Variants in PDE4DIP observed in about 807,000 individuals in gnomAD.
The protein encoded by PDE4DIP is myomegalin.
In PDE4DIP, 59 loss-of-function variants were observed where a neutral mutation model predicts 221.4. The ratio of observed to expected loss-of-function variants is 0.27; its 90% CI spans 0.22 to 0.33. The LOEUF (loss-of-function observed/expected upper bound fraction) is 0.33, where lower values mean the gene tolerates loss of function less well. Among genes scored for constraint, PDE4DIP ranks in the 10% least tolerant of loss-of-function variants. The pLI, the probability that PDE4DIP is intolerant of heterozygous loss-of-function variation, is 1.00. For missense variants in PDE4DIP, 1,036 were observed against 2,154.2 expected, an observed-to-expected ratio of 0.48 and a Z score of 10.28; for synonymous variants, 404 against 815.9, an observed-to-expected ratio of 0.50 and a Z score of 8.60.
chr1:148,950,755 G>A (rs1274547145), intron 5 of PDE4DIP, among the ~76,000 whole-genome samples: 1 of 142,440 alleles, frequency 7.0e-6, no homozygotes, highest in Non-Finnish European at 1.5e-5. Flanking sequence ...CCCCCCCACC[G>A]CCCCAAACAC....
intron 5 of PDE4DIP, among the ~76,000 whole-genome samples, chr1:148,948,596 C>A (rs370505044): frequency 2.0e-5 from 3 of 151,738 alleles, no homozygotes; most frequent in Non-Finnish European, 2.9e-5. Flanking sequence ...TCTTAAAGTG[C>A]GGGTGACTTT....
intron 27 of PDE4DIP, chr1:149,006,452 T>A (rs1409617966): frequency 6.6e-6 from 1 of 152,082 alleles, no homozygotes; most frequent in African/African-American, 2.4e-5. Flanking sequence ...CATTGCAAAA[T>A]GTAGTCAGCC....
intron 21 of PDE4DIP, among the ~76,000 whole-genome samples, chr1:148,989,780 A>G (rs2152347945): frequency 6.6e-6 from 1 of 152,332 alleles, no homozygotes; most frequent in South Asian, 2.1e-4. Context: ...TGTGATCGCT[A>G]CTGTTGTACA....
chr1:148,820,563 A>AG (rs1169551211), intron 1 of PDE4DIP, among the ~76,000 whole-genome samples: 1 of 133,532 alleles, frequency 7.5e-6, no homozygotes, highest in Non-Finnish European at 1.6e-5. Flanking sequence ...CTCAAAAAAA[A>AG]AAAAAAAAAA....
chr1:149,006,648 A>T (rs2067128106), intron 27 of PDE4DIP: 2 of 147,678 alleles, frequency 1.4e-5, no homozygotes, highest in Admixed American at 1.4e-4. Context: ...CACAGACCTT[A>T]TGATTTATCT....
At chr1:148,829,046 ACT>A (rs1337040167) in intron 1 of PDE4DIP, among the ~76,000 whole-genome samples, 8 of 144,264 alleles carry the variant, frequency 5.5e-5, no homozygotes, top group Non-Finnish European at 9.3e-5. Flanking sequence ...ACACACACAC[ACT>A]CACACACACA....
intron 5 of PDE4DIP, among the ~76,000 whole-genome samples, chr1:148,957,817 G>GTAGC (rs2055761423): frequency 8.1e-6 from 1 of 123,858 alleles, no homozygotes; most frequent in Non-Finnish European, 1.7e-5. Flanking sequence ...CTTCACCACT[G>GTAGC]TAAGATTGTT....
intron 5 of PDE4DIP, among the ~76,000 whole-genome samples, chr1:148,956,052 C>G (rs587710919): frequency 6.6e-6 from 1 of 152,064 alleles, no homozygotes; most frequent in Non-Finnish European, 1.5e-5. Context: ...TCCTTAAGAG[C>G]CTTATGACAA....
intron 5 of PDE4DIP, among the ~76,000 whole-genome samples, chr1:148,955,303 A>G (rs1287686316): frequency 2.6e-5 from 4 of 152,146 alleles, no homozygotes; most frequent in African/African-American, 9.6e-5. Flanking sequence ...TAGTTGGGCC[A>G]GGATGGATGG....
intron 5 of PDE4DIP, chr1:148,941,889 T>A (rs2050621742): frequency 6.6e-6 from 1 of 151,320 alleles, no homozygotes. Flanking sequence ...AGGTAAAAGT[T>A]CAATTTCTAA....
chr1:148,954,167 G>C (rs1747937), intron 5 of PDE4DIP, among the ~76,000 whole-genome samples: 3 of 151,886 alleles, frequency 2.0e-5, no homozygotes, highest in African/African-American at 7.2e-5. Context: ...AAAAGGTAAA[G>C]ATTCCTACTT....
At chr1:148,990,558 T>TG (rs2062828680) in intron 21 of PDE4DIP, among the ~76,000 whole-genome samples, 2 of 151,392 alleles carry the variant, frequency 1.3e-5, no homozygotes, top group Non-Finnish European at 2.9e-5. Flanking sequence ...TGTCTAAGAG[T>TG]CCAGAGTCTT....
chr1:148,864,254 T>G (rs1685583690), intron 2 of PDE4DIP, among the ~76,000 whole-genome samples: 1 of 132,176 alleles, frequency 7.6e-6, no homozygotes, highest in Non-Finnish European at 1.6e-5. Flanking sequence ...AAAAATTAAA[T>G]AATAATAAAA....
chr1:149,001,613 C>T (rs782776330), exon 24 of PDE4DIP: 32 of 1,611,784 alleles, frequency 2.0e-5, no homozygotes, highest in Non-Finnish European at 2.4e-5. Context: ...GAGCCTTTGC[C>T]TTGAGAATGC....
At chr1:149,000,090 T>C (rs2065260488) in intron 23 of PDE4DIP, among the ~76,000 whole-genome samples, 1 of 152,176 alleles carries the variant, frequency 6.6e-6, no homozygotes, top group Non-Finnish European at 1.5e-5. Context: ...GTATCCTATG[T>C]CCTATTTTCC....
chr1:148,998,661 A>T (rs1325072080), intron 23 of PDE4DIP, among the ~76,000 whole-genome samples: 1 of 148,010 alleles, frequency 6.8e-6, no homozygotes, highest in East Asian at 2.1e-4. Context: ...ACCAAAACGT[A>T]TAAGGAATCC....
intron 20 of PDE4DIP, among the ~76,000 whole-genome samples, chr1:148,980,753 A>C (rs1553541924): frequency 1.3e-5 from 2 of 152,136 alleles, no homozygotes; most frequent in Non-Finnish European, 2.9e-5. Context: ...TGATAGGACC[A>C]GTTGATTGTG....
chr1:148,961,528 A>T (rs1239844653), intron 6 of PDE4DIP, among the ~76,000 whole-genome samples: 1 of 152,168 alleles, frequency 6.6e-6, no homozygotes, highest in South Asian at 2.1e-4. Flanking sequence ...TCCTTGTATA[A>T]GGGATCCATA....
chr1:149,030,317 GT>G, intron 43 of PDE4DIP, 39 bp downstream of exon 46: 4 of 1,551,358 alleles, frequency 2.6e-6, no homozygotes, highest in Non-Finnish European at 3.5e-6. Context: ...CACCAAGCCT[GT>G]CCCCCACCCA....
Sources: gnomAD v4.1 joint callset for allele counts (sites outside exome capture counted in the v4.1 genomes callset) on GRCh38, gnomAD v4.1.1 for gene constraint, MANE v1.5 for transcripts, NCBI Gene and HGNC (gene_info 2026-07-23, HGNC 2026-07-21) for gene names.